Variants in DAOA observed in about 807,000 individuals in gnomAD.
DAOA encodes the protein D-amino acid oxidase regulator.
DAOA carries 15 observed loss-of-function variants against 16.4 expected under a neutral mutation model. The observed-to-expected ratio is 0.91, with a 90% CI of 0.61 to 1.41. DAOA has a LOEUF of 1.41. DAOA is among the 40% of genes most tolerant of loss of function. The pLI is 0.00. For missense variants in DAOA, 230 were observed against 176.8 expected, an observed-to-expected ratio of 1.30 and a Z score of -1.71; for synonymous variants, 75 against 59.1, an observed-to-expected ratio of 1.27 and a Z score of -1.23.
chr13:105,488,809 C>T lies in DAOA; in HGVS notation c.282-1092C>T, dbSNP rs577088066. On this transcript the variant is annotated intron_variant, in intron 4 of 5. Transcript: ENST00000375936. ...AAGAAAATGTCCTCAATATGGAGTC[C>T]CCAAGGATACAATCTTGTTTCAAAT... 8.1e-4 allele frequency among the ~76,000 whole-genome samples: 123 copies of T among 152,214 alleles called. 1 individual carries two copies. Among genetic ancestry groups the T allele is most frequent in the Non-Finnish European group, 1.5e-3 (103 of 68,022 alleles).
intron 3 of DAOA, among the ~76,000 whole-genome samples, chr13:105,468,922 G>A (rs1290525983): frequency 6.6e-6 from 1 of 152,192 alleles, no homozygotes; most frequent in East Asian, 1.9e-4. Context: ...TTGCGTGCTA[G>A]TCTTGTTAGC....
intron 4 of DAOA, among the ~76,000 whole-genome samples, chr13:105,476,123 T>C (rs995445955): frequency 6.6e-6 from 1 of 152,260 alleles, no homozygotes; most frequent in Middle Eastern, 3.4e-3. Flanking sequence ...CATTAATATA[T>C]ATATTTTTTC....
At chr13:105,479,268 C>A (rs9519688) in intron 4 of DAOA, among the ~76,000 whole-genome samples, 40,071 of 152,044 alleles carry the variant, frequency 0.26, 5,453 homozygotes, top group Non-Finnish European at 0.29. Context: ...GAAAGAGCAA[C>A]AAACATTACA....
intron 4 of DAOA, among the ~76,000 whole-genome samples, chr13:105,482,217 G>A (rs1210150757): frequency 1.3e-5 from 2 of 152,196 alleles, no homozygotes; most frequent in African/African-American, 4.8e-5. Flanking sequence ...TAGGGACACA[G>A]CCAAACCATA....
chr13:105,472,605 C>T lies in DAOA; in HGVS notation c.201C>T (p.Asp67=), dbSNP rs201139062. Residue 67 remains aspartate, a synonymous_variant, in exon 4 of 6, where the codon GAC becomes GAT. Coordinates refer to ENST00000375936, the MANE Select transcript of DAOA (RefSeq NM_172370.5). ...AAGGATGGAAGAGAAGGCATGAGGA[C>T]GGCTATTTGGAAATGGCACAGAGGC... ...RKEGWKRRHE[D]GYLEMAQRHL... is the part of the protein sequence containing the mutation. The T allele has an allele frequency of 4.3e-5, 70 of 1,614,028 alleles. No individual in the cohort carries two copies. The highest frequency in any genetic ancestry group is 1.1e-4 in the East Asian group (5 of 44,848).
intron 4 of DAOA, among the ~76,000 whole-genome samples, chr13:105,487,190 A>G (rs1175321402): frequency 6.6e-6 from 1 of 152,138 alleles, no homozygotes; most frequent in Non-Finnish European, 1.5e-5. Flanking sequence ...CATATATGCA[A>G]TTATTTAGCA....
chr13:105,483,518 G>C (rs1414066634), intron 4 of DAOA, among the ~76,000 whole-genome samples: 1 of 152,122 alleles, frequency 6.6e-6, no homozygotes, highest in Admixed American at 6.6e-5. Context: ...ACCAACACTT[G>C]ATATGGTCAG....
At chr13:105,467,176 T>G (rs1876584059) in intron 3 of DAOA, 35 bp downstream of exon 3, 12 of 1,551,024 alleles carry the variant, frequency 7.7e-6, no homozygotes, top group Non-Finnish European at 1.0e-5. Context: ...GAATTTAAAT[T>G]CTTCTAGAAG....
chr13:105,472,401 T>G (rs1293134434), intron 3 of DAOA, 137 bp from the exon 4 acceptor site: 2 of 1,244,348 alleles, frequency 1.6e-6, no homozygotes, highest in Non-Finnish European at 2.1e-6. Flanking sequence ...GGGAATTTTG[T>G]CTTAACCAAA....
intron 4 of DAOA, 144 bp from the exon 5 acceptor site, chr13:105,489,757 C>A: frequency 6.5e-7 from 1 of 1,541,028 alleles, no homozygotes; most frequent in South Asian, 1.2e-5. Context: ...GGTGGTCACA[C>A]ATTTGTATAA....
rs1236648625 is a variant in DAOA at position 105,490,151 on chromosome 13, C to T, written c.*70C>T. On this transcript the variant is annotated 3_prime_UTR_variant, in exon 5 of 6. Coordinates refer to ENST00000375936, the MANE Select transcript of DAOA (RefSeq NM_172370.5). The stretch of plus-strand genomic sequence containing the variant: ...TAGTCTGGCCAACATCTTCACTGGA[C>T]TCTGACGGACTCTGTGTCTGGGACC... The T allele has an allele frequency of 1.4e-6, 2 of 1,475,432 alleles. No homozygotes were observed. The highest frequency in any genetic ancestry group is 1.8e-6 in the Non-Finnish European group (2 of 1,108,106). The allele number at this position is 1,475,432 out of a possible 1,614,324, so 91.4% of individuals were successfully genotyped here. A position where few individuals can be genotyped will look rare whatever the true frequency, so the allele number is the denominator to read the frequency against.
At chr13:105,470,995 A>G (rs1175204308) in intron 3 of DAOA, among the ~76,000 whole-genome samples, 4 of 152,078 alleles carry the variant, frequency 2.6e-5, no homozygotes, top group South Asian at 2.1e-4. Context: ...TCATCGTGTT[A>G]GCCATGATGG....
chr13:105,472,445 C>A, intron 3 of DAOA, 93 bp from the exon 4 acceptor site: 1 of 1,409,932 alleles, frequency 7.1e-7, no homozygotes, highest in Non-Finnish European at 9.3e-7. Context: ...TGGACAATTC[C>A]TACAATCGCT....
chr13:105,489,129 A>G (rs528175673), intron 4 of DAOA, among the ~76,000 whole-genome samples: 2 of 152,302 alleles, frequency 1.3e-5, no homozygotes, highest in South Asian at 4.1e-4. Flanking sequence ...GTGTCCAGGA[A>G]ATTTGTTGGT....
chr13:105,474,859 C>A, intron 4 of DAOA: 1 of 265,862 alleles, frequency 3.8e-6, no homozygotes, highest in Non-Finnish European at 5.8e-6. Flanking sequence ...AATGTCATTC[C>A]TCTTCTGGAA....
chr13:105,472,485 A>G, intron 3 of DAOA, 53 bp from the exon 4 acceptor site: 1 of 1,553,984 alleles, frequency 6.4e-7, no homozygotes, highest in East Asian at 2.4e-5. Flanking sequence ...ATGTATGTTA[A>G]AAGATGTGAT....
intron 4 of DAOA, among the ~76,000 whole-genome samples, chr13:105,475,379 T>C (rs1188280447): frequency 6.6e-6 from 1 of 152,198 alleles, no homozygotes; most frequent in East Asian, 1.9e-4. Flanking sequence ...CAAGTGGATT[T>C]ATCAGGTGGC....
chr13:105,481,936 G>T (rs987415527), intron 4 of DAOA, among the ~76,000 whole-genome samples: 1 of 152,144 alleles, frequency 6.6e-6, no homozygotes, highest in Non-Finnish European at 1.5e-5. Flanking sequence ...AAAGGAAAGA[G>T]GTTTAATTGA....
intron 3 of DAOA, among the ~76,000 whole-genome samples, chr13:105,468,402 G>A (rs1161810286): frequency 6.6e-6 from 1 of 152,130 alleles, no homozygotes; most frequent in Non-Finnish European, 1.5e-5. Context: ...TGCCTCAAAG[G>A]TGCAGATGGT....
Sources: allele counts gnomAD v4.1 joint callset (sites outside exome capture counted in the v4.1 genomes callset), GRCh38; gene constraint gnomAD v4.1.1; transcripts MANE v1.5; gene names NCBI Gene and HGNC (gene_info 2026-07-23, HGNC 2026-07-21).